Variants in PCDHA9 observed in about 807,000 individuals in gnomAD.
PCDHA9 encodes the protein protocadherin alpha-9.
A neutral mutation model predicts 62.0 loss-of-function variants in PCDHA9; 62 were observed. That is an observed-to-expected ratio of 1.00 (90% confidence interval 0.81 to 1.23). The LOEUF is 1.23. Among genes scored for constraint, PCDHA9 ranks in the 50% most tolerant of loss-of-function variants. The probability of loss-of-function intolerance (pLI) is 0.00; values close to 1 mark genes in which losing one functional copy is unlikely to be tolerated. For synonymous variants in PCDHA9, 557 were observed against 567.6 expected, an observed-to-expected ratio of 0.98 and a Z score of 0.27; for missense variants, 1,205 against 1,249.8, an observed-to-expected ratio of 0.96 and a Z score of 0.54.
intron 3 of PCDHA9, among the ~76,000 whole-genome samples, chr5:141,007,208 A>G (rs1056049066): frequency 5.3e-5 from 8 of 152,060 alleles, no homozygotes; most frequent in African/African-American, 1.9e-4. Context: ...GGGCCAGAAT[A>G]TGCTGTCCCA....
intron 1 of PCDHA9, chr5:140,869,782 C>T (rs782296742): frequency 1.6e-5 from 25 of 1,612,752 alleles, no homozygotes; most frequent in East Asian, 2.2e-5. Context: ...TGGCACCGTT[C>T]GGCTGTTAGT....
intron 1 of PCDHA9, among the ~76,000 whole-genome samples, chr5:140,901,955 G>A (rs2069015305): frequency 6.6e-6 from 1 of 151,848 alleles, no homozygotes; most frequent in Admixed American, 6.6e-5. Flanking sequence ...TTTTATTCGT[G>A]GCTATCGTAA....
intron 1 of PCDHA9, chr5:140,927,988 G>A (rs782075633): frequency 6.2e-6 from 10 of 1,614,200 alleles, no homozygotes; most frequent in South Asian, 1.1e-5. Flanking sequence ...TAGTGTAAAG[G>A]ATGAAGACCT....
At chr5:140,916,321 C>T (rs1302078048) in intron 1 of PCDHA9, among the ~76,000 whole-genome samples, 1 of 152,160 alleles carries the variant, frequency 6.6e-6, no homozygotes, top group Non-Finnish European at 1.5e-5. Flanking sequence ...AGACAAAGTC[C>T]CCTTTACTTT....
intron 3 of PCDHA9, among the ~76,000 whole-genome samples, chr5:140,985,288 A>G (rs1007960248): frequency 1.3e-5 from 2 of 152,112 alleles, no homozygotes; most frequent in African/African-American, 4.8e-5. Flanking sequence ...AATCTATGAT[A>G]TAGTGTTGGC....
intron 1 of PCDHA9, among the ~76,000 whole-genome samples, chr5:140,914,261 T>G (rs1294037425): frequency 6.6e-6 from 1 of 152,202 alleles, no homozygotes; most frequent in Non-Finnish European, 1.5e-5. Context: ...GCTTCAATGG[T>G]GGGTGCATAT....
intron 1 of PCDHA9, chr5:140,861,826 A>T (rs1350185354): frequency 1.9e-5 from 3 of 159,376 alleles, no homozygotes; most frequent in African/African-American, 7.2e-5. Flanking sequence ...CAGATAGGTA[A>T]GTCACTTCAG....
rs1379026024 is a variant in PCDHA9 at position 140,848,527 on chromosome 5, G to A, written c.32G>A (p.Gly11Asp). Residue 11 changes from glycine to aspartate, a missense_variant, in exon 1 of 4, where the codon GGT becomes GAT. Physicochemically the swap from Gly to Asp is moderately conservative, Grantham distance 94 (BLOSUM62 -1). Around this residue, in one of 3 missense-constraint regions of PCDHA9, gnomAD observed 208 missense variants for 213.2 expected, o/e 0.98. Coordinates refer to ENST00000532602, the MANE Select transcript of PCDHA9 (RefSeq NM_031857.2). ...TACTCAAGTCGAGGAGATCCAGAGG[G>A]TCAGCCTCTACTGCTCTCGCTTCTG... MLYSSRGDPEGQPLLLSLLIL... is the reference protein window; with the variant it reads MLYSSRGDPEDQPLLLSLLIL... The A allele has an allele frequency of 1.3e-6, 2 of 1,594,382 alleles. No homozygotes were observed. The highest frequency in any genetic ancestry group is 1.7e-5 in the Admixed American group (1 of 59,146).
chr5:140,938,309 A>T (rs1379097876), intron 1 of PCDHA9, among the ~76,000 whole-genome samples: 1 of 152,216 alleles, frequency 6.6e-6, no homozygotes, highest in African/African-American at 2.4e-5. Flanking sequence ...AATTCAGTAT[A>T]AAATTGAATA....
In PCDHA9 at chr5:140,850,161, C is replaced by G; in HGVS notation, c.1666C>G (p.Leu556Val). 6.3e-7 allele frequency: 1 copy of G among 1,594,998 alleles called. No homozygotes were observed. The highest frequency in any genetic ancestry group is 8.6e-7 in the Non-Finnish European group (1 of 1,167,802). ...CAACGTGACGCTGCAGGTGTTCGTG[C>G]TGGACGAGAACGACAATGCGCCGGC... ...GSNVTLQVFVLDENDNAPALL... is the reference protein window; with the variant it reads ...GSNVTLQVFVVDENDNAPALL... Residue 556 changes from leucine to valine, a missense_variant, in exon 1 of 4, where the codon CTG becomes GTG. By Grantham distance (32) the Leu-to-Val change is conservative (BLOSUM62 1). Transcript: ENST00000532602.
chr5:140,873,225 A>G (rs1476513279), intron 1 of PCDHA9, among the ~76,000 whole-genome samples: 2 of 152,224 alleles, frequency 1.3e-5, no homozygotes, highest in African/African-American at 2.4e-5. Context: ...AGAGAAGGCA[A>G]CAATATAAAA....
At chr5:140,998,136 C>T (rs2153950850) in intron 3 of PCDHA9, among the ~76,000 whole-genome samples, 1 of 152,308 alleles carries the variant, frequency 6.6e-6, no homozygotes, top group South Asian at 2.1e-4. Context: ...TAATAGCTAA[C>T]CTGTACTGAA....
intron 1 of PCDHA9, chr5:140,864,797 G>C (rs868909450): frequency 1.3e-5 from 2 of 152,026 alleles, no homozygotes; most frequent in Non-Finnish European, 2.9e-5. Flanking sequence ...AATATTTTAG[G>C]GTAGGAAAAT....
intron 1 of PCDHA9, among the ~76,000 whole-genome samples, chr5:140,961,302 A>G (rs1383841228): frequency 6.6e-6 from 1 of 152,222 alleles, no homozygotes; most frequent in African/African-American, 2.4e-5. Context: ...GTTAAAGAAC[A>G]TGATTTACCA....
chr5:140,925,673 T>TAATAAA (rs2082657999), intron 1 of PCDHA9, among the ~76,000 whole-genome samples: 1 of 146,030 alleles, frequency 6.8e-6, no homozygotes, highest in Non-Finnish European at 1.5e-5. Context: ...ATAATAATAA[T>TAATAAA]AATAAAGCGA....
At chr5:140,920,959 T>G (rs2079949518) in intron 1 of PCDHA9, among the ~76,000 whole-genome samples, 1 of 152,072 alleles carries the variant, frequency 6.6e-6, no homozygotes, top group Non-Finnish European at 1.5e-5. Flanking sequence ...ACTACACATG[T>G]AGTACTAGAG....
intron 1 of PCDHA9, among the ~76,000 whole-genome samples, chr5:140,937,175 C>A: frequency 6.6e-6 from 1 of 151,650 alleles, no homozygotes; most frequent in Non-Finnish European, 1.5e-5. Context: ...GTAGCTGGGA[C>A]TACAGGCGCC....
At chr5:140,866,126 G>T (rs1435544560) in intron 1 of PCDHA9, 2 of 152,108 alleles carry the variant, frequency 1.3e-5, no homozygotes, top group African/African-American at 4.8e-5. Context: ...TAAGAACTAC[G>T]TATCTGTTGT....
At chr5:140,856,589 A>G in intron 1 of PCDHA9, 1 of 1,597,786 alleles carries the variant, frequency 6.3e-7, no homozygotes, top group Non-Finnish European at 8.6e-7. Flanking sequence ...TGTTCTTGAT[A>G]TTATAAACAA....
Sources: gnomAD v4.1 joint callset for allele counts (sites outside exome capture counted in the v4.1 genomes callset) on GRCh38, gnomAD v4.1.1 for gene constraint, gnomAD v4.1.1 regional missense constraint, MANE v1.5 for transcripts, NCBI Gene and HGNC (gene_info 2026-07-23, HGNC 2026-07-21) for gene names.